The following IL17D variants were observed in gnomAD, a reference collection of about 807,000 sequenced individuals.
IL17D encodes interleukin-17D.
Under a neutral mutation model 5.7 loss-of-function variants are expected in IL17D, and 10 were observed. The ratio of observed to expected loss-of-function variants is 1.75; its 90% CI spans 1.08 to 2.97. The LOEUF (loss-of-function observed/expected upper bound fraction) is 2.97, where lower values mean the gene tolerates loss of function less well. Among genes scored for constraint, IL17D ranks in the 30% most tolerant of loss-of-function variants. The pLI is 0.00. For missense variants in IL17D, 354 were observed against 292.7 expected, an observed-to-expected ratio of 1.21 and a Z score of -1.53; for synonymous variants, 172 against 141.7, an observed-to-expected ratio of 1.21 and a Z score of -1.52.
chr13:20,714,371 G>A (rs552122903), intron 1 of IL17D, among the ~76,000 whole-genome samples: 1 of 152,160 alleles, frequency 6.6e-6, no homozygotes, highest in Non-Finnish European at 1.5e-5. Context: ...ACCGCACACC[G>A]CATCTGTTAT....
intron 1 of IL17D, among the ~76,000 whole-genome samples, chr13:20,718,353 C>T (rs1413865859): frequency 6.6e-6 from 1 of 152,054 alleles, no homozygotes; most frequent in Admixed American, 6.5e-5. Context: ...CTTACACACA[C>T]GCCCACAGAT....
intron 1 of IL17D, among the ~76,000 whole-genome samples, chr13:20,704,969 A>G (rs1347860474): frequency 2.0e-5 from 3 of 152,206 alleles, no homozygotes; most frequent in Non-Finnish European, 2.9e-5. Context: ...ATGAAGTGAC[A>G]TGAACAGTTT....
At chr13:20,715,297 G>A (rs1317749011) in intron 1 of IL17D, among the ~76,000 whole-genome samples, 1 of 152,082 alleles carries the variant, frequency 6.6e-6, no homozygotes, top group African/African-American at 2.4e-5. Context: ...TTTTTTATAA[G>A]CTCATTTGTG....
At chr13:20,703,278 G>GA (rs1277828844), upstream of IL17D, 1 of 986,058 alleles carries the variant, frequency 1.0e-6, no homozygotes, top group African/African-American at 1.7e-5. Flanking sequence ...ATCTCGGCGC[G>GA]AATCTGAAAG....
At chr13:20,720,365 T>C (rs927360514) in intron 1 of IL17D, among the ~76,000 whole-genome samples, 4 of 152,084 alleles carry the variant, frequency 2.6e-5, no homozygotes, top group East Asian at 3.9e-4. Flanking sequence ...AAATTCCATC[T>C]GAGGGACACT....
intron 1 of IL17D, 111 bp from the exon 2 acceptor site, chr13:20,721,525 C>G: frequency 2.3e-6 from 2 of 854,244 alleles, no homozygotes; most frequent in Non-Finnish European, 3.5e-6. Context: ...CGCCCGCAGG[C>G]GGAGGACAGG....
chr13:20,714,523 C>T (rs1223825769), intron 1 of IL17D, among the ~76,000 whole-genome samples: 5 of 152,214 alleles, frequency 3.3e-5, no homozygotes, highest in South Asian at 2.1e-4. Context: ...GGTGGGCAGG[C>T]TAAGCCTTCT....
rs761383005 is a variant in IL17D, at chr13:20,716,084, C to T, written c.291-5552C>T. ...CCCATATAGGCCTCATGCCGGTGGT[C>T]TGAAAACCACATTTTGGAAATCTTG... On this transcript the variant is annotated intron_variant, in intron 1 of 1. Transcript: ENST00000682841. This position sits in a 1 kb window ranked among gnomAD's most constrained non-coding sequence, Gnocchi z 4.2. The T allele has an allele frequency of 1.0e-6, 1 of 985,336 alleles. No homozygotes were observed. The highest frequency in any genetic ancestry group is 5.2e-4 in the Middle Eastern group (1 of 1,912). 61.0% of individuals were successfully genotyped at this position (985,336 alleles called of 1,614,324 possible).
intron 1 of IL17D, among the ~76,000 whole-genome samples, chr13:20,718,428 GTGCTCACACACCCGCCCA>G (rs746963400): frequency 1.1e-3 from 150 of 138,676 alleles, no homozygotes; most frequent in Non-Finnish European, 1.7e-3. Flanking sequence ...ATACGTGCCC[GTGCTCACACACCCGCCCA>G]TGCTCACACA....
Position 20,722,148 on chromosome 13 carries a change from C to T in IL17D, c.*194C>T. The T allele has an allele frequency of 3.6e-6, 2 of 550,128 alleles. No individual in the cohort carries two copies. Among genetic ancestry groups the T allele is most frequent in the Admixed American group, 3.6e-5 (1 of 27,878 alleles). 34.1% of individuals were successfully genotyped at this position (550,128 alleles called of 1,614,324 possible). Reference sequence around the variant, plus strand: ...ACGGGCATCCCTGGCTTGCTTTTAGCTACAAGCAAGCAGCGTGGCTGGAAG... The same window carrying T: ...ACGGGCATCCCTGGCTTGCTTTTAGTTACAAGCAAGCAGCGTGGCTGGAAG... On this transcript the variant is annotated 3_prime_UTR_variant, in exon 2 of 2. Coordinates refer to ENST00000682841, the MANE Select transcript of IL17D (RefSeq NM_001385224.1).
chr13:20,702,561 G>C (rs888094608), upstream of IL17D: 1 of 152,192 alleles, frequency 6.6e-6, no homozygotes, highest in Admixed American at 6.5e-5. Flanking sequence ...CTTGCAGAAT[G>C]AACAAACGAG....
intron 1 of IL17D, among the ~76,000 whole-genome samples, chr13:20,708,960 C>CAAAAAAAAAAAAAAAAA (rs59047970): frequency 3.1e-5 from 2 of 65,242 alleles, no homozygotes; most frequent in Non-Finnish European, 6.6e-5. Context: ...GACTCTGTCT[C>CAAAAAAAAAAAAAAAAA]AAAAAAAAAA....
rs1334102705 is a variant in IL17D at position 20,722,482 on chromosome 13, A to ACTT, written c.*534_*536dup. Reference sequence around the variant, plus strand: ...TCTTAACATATAAACATCGTTTTTTACTTCTTCTGGTAGAATTTTTTAAAG... The same window carrying ACTT: ...TCTTAACATATAAACATCGTTTTTTACTTCTTCTTCTGGTAGAATTTTTTAAAG... On this transcript the variant is annotated 3_prime_UTR_variant, in exon 2 of 2. Coordinates refer to ENST00000682841, the MANE Select transcript of IL17D (RefSeq NM_001385224.1). 3.3e-5 allele frequency: 5 copies of ACTT among 152,368 alleles called. No individual in the cohort carries two copies. The highest frequency in any genetic ancestry group is 2.6e-4 in the Admixed American group (4 of 15,304). 9.4% of individuals were successfully genotyped at this position (152,368 alleles called of 1,614,324 possible).
chr13:20,710,687 C>G (rs916794642), intron 1 of IL17D, among the ~76,000 whole-genome samples: 3 of 145,324 alleles, frequency 2.1e-5, no homozygotes, highest in Non-Finnish European at 4.5e-5. Flanking sequence ...CAGTACAGTA[C>G]TCTGAATATT....
At chr13:20,719,148 C>T (rs897135574) in intron 1 of IL17D, among the ~76,000 whole-genome samples, 1 of 149,264 alleles carries the variant, frequency 6.7e-6, no homozygotes, top group Non-Finnish European at 1.5e-5. Context: ...CCTATCCACA[C>T]TTACGCACAC....
upstream of IL17D, chr13:20,703,298 G>C (rs566666524): frequency 2.4e-5 from 24 of 986,436 alleles, no homozygotes; most frequent in Non-Finnish European, 2.9e-5. Flanking sequence ...GCGCTTTCGG[G>C]GGAGAAGATG....
chr13:20,703,496 C>G, upstream of IL17D: 1 of 906,968 alleles, frequency 1.1e-6, no homozygotes, highest in Non-Finnish European at 1.3e-6. Flanking sequence ...GCCGCGGACC[C>G]TGCGCGGGCT....
intron 1 of IL17D, among the ~76,000 whole-genome samples, chr13:20,707,740 G>A (rs1201912765): frequency 2.6e-5 from 4 of 152,094 alleles, no homozygotes; most frequent in African/African-American, 7.2e-5. Flanking sequence ...GCCCAGGTTC[G>A]TCTTGAAGTC....
intron 1 of IL17D, among the ~76,000 whole-genome samples, chr13:20,715,269 G>GA (rs1477690790): frequency 6.6e-6 from 1 of 151,766 alleles, no homozygotes; most frequent in Non-Finnish European, 1.5e-5. Flanking sequence ...CTGGGGGTGG[G>GA]GGGGACACTG....
Sources: allele counts gnomAD v4.1 joint callset (sites outside exome capture counted in the v4.1 genomes callset), GRCh38; gene constraint gnomAD v4.1.1; non-coding constraint Gnocchi (gnomAD v3.1); transcripts MANE v1.5; gene names NCBI Gene and HGNC (gene_info 2026-07-23, HGNC 2026-07-21).